Variants in MECR observed in about 807,000 individuals in gnomAD.
MECR encodes enoyl-[acyl-carrier-protein] reductase, mitochondrial.
MECR carries 37 observed loss-of-function variants against 49.1 expected under a neutral mutation model. That is an observed-to-expected ratio of 0.75 (90% CI 0.58 to 0.99). MECR has a LOEUF of 0.99. Among genes scored for constraint, MECR ranks in the 50% least tolerant of loss-of-function variants. The pLI is 0.00. For synonymous variants in MECR, 198 were observed against 191.1 expected (o/e 1.04, Z -0.30); for missense variants, 470 against 479.6 (o/e 0.98, Z 0.19).
the MECR span, among the ~76,000 whole-genome samples, chr1:29,173,916 CG>C: frequency 6.6e-6 from 1 of 150,992 alleles, no homozygotes; most frequent in Admixed American, 6.6e-5. Context: ...TTGGTGGGTG[CG>C]GTGGCTCACG....
At chr1:29,168,047 G>T in the MECR span, among the ~76,000 whole-genome samples, 1 of 141,668 alleles carries the variant, frequency 7.1e-6, no homozygotes, top group Non-Finnish European at 1.5e-5. Context: ...ACATAGTCTC[G>T]CTCTGTCGCG....
chr1:29,191,660 G>A (rs1673135831), downstream of MECR, among the ~76,000 whole-genome samples: 1 of 152,202 alleles, frequency 6.6e-6, no homozygotes, highest in African/African-American at 2.4e-5. Flanking sequence ...GAGCCCAGAA[G>A]GTGGCAAATA....
the MECR span, chr1:29,181,756 G>A: frequency 1.3e-4 from 197 of 1,573,346 alleles, 1 homozygote; most frequent in Non-Finnish European, 1.6e-4. Flanking sequence ...GCGGCATCCC[G>A]GCAACGGCAG....
chr1:29,179,255 T>C, the MECR span, among the ~76,000 whole-genome samples: 2 of 152,242 alleles, frequency 1.3e-5, no homozygotes, highest in Non-Finnish European at 2.9e-5. Flanking sequence ...TGCTAGATTG[T>C]TTATTATTTT....
chr1:29,181,994 T>TG, the MECR span: 1 of 352,774 alleles, frequency 2.8e-6, no homozygotes, highest in East Asian at 4.9e-5. Context: ...CGGCCAGGAC[T>TG]GGGGGAGGAG....
intron 1 of MECR, among the ~76,000 whole-genome samples, chr1:29,217,001 G>A (rs909402750): frequency 2.0e-5 from 3 of 151,680 alleles, no homozygotes; most frequent in Non-Finnish European, 4.4e-5. Context: ...GGGCGTGGTG[G>A]TCGGCGCCTG....
chr1:29,191,461 G>A (rs192072183), downstream of MECR, among the ~76,000 whole-genome samples: 284 of 152,240 alleles, frequency 1.9e-3, 1 homozygote, highest in Admixed American at 3.3e-3. Flanking sequence ...GTACCAGCAC[G>A]CCTGTCTAAT....
chr1:29,173,014 A>G, the MECR span: 1 of 152,112 alleles, frequency 6.6e-6, no homozygotes, highest in African/African-American at 2.4e-5. Flanking sequence ...ACAAAATTGC[A>G]CGTAAAACCT....
At chr1:29,174,502 T>C in the MECR span, among the ~76,000 whole-genome samples, 1 of 152,074 alleles carries the variant, frequency 6.6e-6, no homozygotes. Context: ...TGGAGTACTA[T>C]GTAGCCATTA....
At position 29,202,044 on chromosome 1, in the gene MECR, G is replaced by A. The variant is rs1675446812; in HGVS notation, c.655C>T (p.Pro219Ser). 1.2e-6 allele frequency: 2 copies of A among 1,613,836 alleles called. No homozygotes were observed. Among genetic ancestry groups the A allele is most frequent in the African/African-American group, 1.3e-5 (1 of 74,908 alleles). The change falls in exon 6 of 10, where the codon CCT becomes TCT. Residue 219 changes from proline (P) to serine (S), a missense_variant and splice_region_variant. Coordinates refer to ENST00000263702, the MANE Select transcript of MECR (RefSeq NM_016011.5). ...LRTINVVRDR[P>S]DIQKLSDRLK... ...CTGTCACTCAGCTTCTGGATATCAGGTCTGGAAACCAAACATAGGTCCCTG... is the reference window on the plus strand; with the variant it reads ...CTGTCACTCAGCTTCTGGATATCAGATCTGGAAACCAAACATAGGTCCCTG...
At chr1:29,200,375 C>G in intron 7 of MECR, 141 bp downstream of exon 7, 1 of 701,224 alleles carries the variant, frequency 1.4e-6, no homozygotes, top group Non-Finnish European at 2.3e-6. Flanking sequence ...AGCTGGATGA[C>G]TTTGGTCCTA....
intron 7 of MECR, among the ~76,000 whole-genome samples, chr1:29,198,388 C>T (rs983736128): frequency 1.3e-5 from 2 of 152,230 alleles, no homozygotes; most frequent in Non-Finnish European, 2.9e-5. Context: ...TTTCCACAGG[C>T]CCACAGCTAG....
Position 29,198,774 on chromosome 1 carries a change from G to A in MECR, c.830+1742C>T, listed in dbSNP as rs544196589. Reference sequence around the variant, plus strand: ...TGGGATTACAGGCACCCACGACCATGCCTGGCTAATTTTTGTATTTTTAGT... The same window carrying A: ...TGGGATTACAGGCACCCACGACCATACCTGGCTAATTTTTGTATTTTTAGT... On this transcript the variant is annotated intron_variant, in intron 7 of 9. Coordinates refer to ENST00000263702, the MANE Select transcript of MECR (RefSeq NM_016011.5). Among the ~76,000 whole-genome samples the A allele has an allele frequency of 1.1e-4, 16 of 152,236 alleles. No individual in the cohort carries two copies. In the South Asian group the frequency reaches 2.9e-3, roughly 28 times the overall value.
intron 3 of MECR, among the ~76,000 whole-genome samples, chr1:29,208,764 A>T (rs911004897): frequency 3.3e-5 from 5 of 152,168 alleles, no homozygotes; most frequent in African/African-American, 1.2e-4. Context: ...AACAATACAG[A>T]CAGTTTCCTT....
chr1:29,228,253 CTG>C (rs1362028295), intron 1 of MECR, among the ~76,000 whole-genome samples: 1 of 151,158 alleles, frequency 6.6e-6, no homozygotes, highest in Non-Finnish European at 1.5e-5. Context: ...AAAATAAAAG[CTG>C]TCTGATATTT....
At chr1:29,177,222 G>C in the MECR span, among the ~76,000 whole-genome samples, 6 of 151,380 alleles carry the variant, frequency 4.0e-5, no homozygotes, top group East Asian at 1.2e-3. Flanking sequence ...TGCTAATATT[G>C]TTGCTTCCTT....
At chr1:29,223,108 C>G in intron 1 of MECR, 1 of 985,472 alleles carries the variant, frequency 1.0e-6, no homozygotes, top group Non-Finnish European at 1.2e-6. Flanking sequence ...CCCAACCCAG[C>G]CTGGCTAGAT....
the MECR span, chr1:29,173,315 AT>A: frequency 2.1e-4 from 30 of 142,762 alleles, no homozygotes; most frequent in African/African-American, 1.5e-4. Flanking sequence ...TTTTTTTTGT[AT>A]TTTTTTTTTA....
At chr1:29,168,050 C>T in the MECR span, among the ~76,000 whole-genome samples, 3 of 148,710 alleles carry the variant, frequency 2.0e-5, no homozygotes, top group Non-Finnish European at 3.0e-5. Context: ...TAGTCTCGCT[C>T]TGTCGCGCAG....
Sources: allele counts gnomAD v4.1 joint callset (sites outside exome capture counted in the v4.1 genomes callset), GRCh38; gene constraint gnomAD v4.1.1; transcripts MANE v1.5; gene names NCBI Gene and HGNC (gene_info 2026-07-23, HGNC 2026-07-21).